The following ESR2 variants were observed in gnomAD, a reference collection of about 807,000 sequenced individuals.
The protein encoded by ESR2 is estrogen receptor 2, also known as estrogen receptor beta.
Under a neutral mutation model 49.6 loss-of-function variants are expected in ESR2, and 36 were observed. That is an observed-to-expected ratio of 0.73 (90% CI 0.56 to 0.96). The LOEUF is 0.96. ESR2 is among the 40% of genes least tolerant of loss of function. ESR2 has a pLI of 0.00. For missense variants in ESR2, 714 were observed against 693.0 expected, an observed-to-expected ratio of 1.03 and a Z score of -0.34; for synonymous variants, 320 against 266.1, an observed-to-expected ratio of 1.20 and a Z score of -1.97.
chr14:64,288,067 G>A (rs901961107), intron 1 of ESR2, among the ~76,000 whole-genome samples: 3 of 152,090 alleles, frequency 2.0e-5, no homozygotes, highest in Middle Eastern at 6.3e-3. Flanking sequence ...TCCATATCCT[G>A]GGTGGTGAAC....
intron 7 of ESR2, among the ~76,000 whole-genome samples, chr14:64,245,245 T>G (rs1450983167): frequency 1.3e-5 from 2 of 152,126 alleles, no homozygotes; most frequent in East Asian, 3.9e-4. Context: ...AAAGAAGATC[T>G]CTGGCCAGGC....
rs1411350464 is a variant in ESR2, at chr14:64,282,793, A to G, written c.193T>C (p.Leu65=). The change falls in exon 2 of 9, where the codon TTG becomes CTG. Residue 65 remains leucine, a synonymous_variant. Transcript: ENST00000341099. Reference sequence around the variant, plus strand: ...GTCTGCCGACCAGGCCCACCTTCCAAGTTAGTGACATTGCTGGGAATGCTG... The same window carrying G: ...GTCTGCCGACCAGGCCCACCTTCCAGGTTAGTGACATTGCTGGGAATGCTG... ...NYSIPSNVTN[L]EGGPGRQTTS... 5.0e-6 allele frequency: 8 copies of G among 1,614,220 alleles called. No homozygotes were observed. Among genetic ancestry groups the G allele is most frequent in the African/African-American group, 1.3e-5 (1 of 75,038 alleles).
chr14:64,268,805 C>CA lies in ESR2; in HGVS notation c.641dup (p.Met214IlefsTer63). ...GAAGCAAGCACTCACCACACTTCAC[C>CA]ATTCCCACTTCGTAACACTTCCGAA... is the stretch of plus-strand genomic sequence containing the variant. On this transcript the variant is annotated frameshift_variant, in exon 4 of 9. Transcript: ENST00000341099. LOFTEE classifies it high-confidence loss of function. 1.2e-6 allele frequency: 2 copies of CA among 1,608,346 alleles called. No individual in the cohort carries two copies. Among genetic ancestry groups the CA allele is most frequent in the Non-Finnish European group, 1.7e-6 (2 of 1,174,754 alleles).
At chr14:64,255,010 A>G (rs2076070044) in intron 6 of ESR2, among the ~76,000 whole-genome samples, 1 of 152,136 alleles carries the variant, frequency 6.6e-6, no homozygotes, top group African/African-American at 2.4e-5. Context: ...TCTATTAACT[A>G]AAAGGTAGGC....
Position 64,228,887 on chromosome 14 carries a change from G to C in ESR2, c.*4250C>G, listed in dbSNP as rs1431654896. Among the ~76,000 whole-genome samples, 1 of 152,192 alleles carries C rather than the reference G, an allele frequency of 6.6e-6. No homozygotes were observed. The highest frequency in any genetic ancestry group is 1.5e-5 in the Non-Finnish European group (1 of 68,028). On this transcript the variant is annotated 3_prime_UTR_variant, in exon 9 of 9. Coordinates refer to ENST00000341099, the MANE Select transcript of ESR2 (RefSeq NM_001437.3). ...ATCACAGACAATGCACATCTTAAGAGCTGCCACTGGAGCCAAAATTCCAGC... is the reference window on the plus strand; with the variant it reads ...ATCACAGACAATGCACATCTTAAGACCTGCCACTGGAGCCAAAATTCCAGC...
At chr14:64,273,019 T>G (rs2076481197) in intron 3 of ESR2, among the ~76,000 whole-genome samples, 1 of 152,082 alleles carries the variant, frequency 6.6e-6, no homozygotes, top group South Asian at 2.1e-4. Context: ...TTTTTTGTCC[T>G]CTTCAATTTC....
At chr14:64,313,483 G>A (rs867860647) in intron 1 of ESR2, among the ~76,000 whole-genome samples, 9 of 140,742 alleles carry the variant, frequency 6.4e-5, no homozygotes, top group East Asian at 2.1e-4. Context: ...CCAGTGAGCC[G>A]AGATCAGGCC....
At chr14:64,266,045 A>T (rs527560051) in intron 4 of ESR2, among the ~76,000 whole-genome samples, 1 of 152,200 alleles carries the variant, frequency 6.6e-6, no homozygotes, top group African/African-American at 2.4e-5. Context: ...GCAACAACCC[A>T]TCTCATTTCT....
At position 64,233,039 on chromosome 14, in the gene ESR2, G is replaced by T; in HGVS notation, c.*98C>A. ...CCAAGCCTGCCATCACCAAATGAGG[G>T]ACCACACAGCAGAAAGATGAAGCCC... is the stretch of plus-strand genomic sequence containing the variant. On this transcript the variant is annotated 3_prime_UTR_variant, in exon 9 of 9. Coordinates refer to ENST00000341099, the MANE Select transcript of ESR2 (RefSeq NM_001437.3). The T allele has an allele frequency of 1.3e-6, 2 of 1,511,242 alleles. No homozygotes were observed. The highest frequency in any genetic ancestry group is 1.3e-5 in the South Asian group (1 of 76,324). The allele number at this position is 1,511,242 out of a possible 1,614,324, so 93.6% of individuals were successfully genotyped here.
At chr14:64,242,442 A>G (rs954779168) in intron 7 of ESR2, among the ~76,000 whole-genome samples, 1 of 90,268 alleles carries the variant, frequency 1.1e-5, no homozygotes, top group African/African-American at 7.5e-5. Flanking sequence ...CAAACAAACA[A>G]ACAAAAAAAA....
chr14:64,328,988 G>C (rs2077422041), intron 1 of ESR2, among the ~76,000 whole-genome samples: 1 of 151,966 alleles, frequency 6.6e-6, no homozygotes. Context: ...ATTAGTTGTA[G>C]ATATTTTAAA....
At chr14:64,279,041 C>A (rs2076611681) in intron 3 of ESR2, among the ~76,000 whole-genome samples, 1 of 152,200 alleles carries the variant, frequency 6.6e-6, no homozygotes, top group Non-Finnish European at 1.5e-5. Flanking sequence ...CATGATAAAA[C>A]CTTGGTCTCC....
intron 1 of ESR2, chr14:64,301,462 C>G (rs35142532): frequency 3.3e-5 from 5 of 152,246 alleles, no homozygotes; most frequent in South Asian, 2.1e-4. Context: ...TGGAGTCCCT[C>G]GTTCTTCCAC....
chr14:64,307,221 ATTTAT>A (rs1186068603), intron 1 of ESR2, among the ~76,000 whole-genome samples: 3 of 151,046 alleles, frequency 2.0e-5, no homozygotes, highest in Non-Finnish European at 4.4e-5. Context: ...TTATTTATTT[ATTTAT>A]TTTAAGACAG....
intron 7 of ESR2, among the ~76,000 whole-genome samples, chr14:64,240,542 G>C (rs1198372007): frequency 6.6e-6 from 1 of 152,070 alleles, no homozygotes; most frequent in East Asian, 1.9e-4. Context: ...ATTCATCCAG[G>C]TATACCTGAC....
chr14:64,324,650 TC>T, intron 1 of ESR2, among the ~76,000 whole-genome samples: 1 of 152,186 alleles, frequency 6.6e-6, no homozygotes, highest in East Asian at 1.9e-4. Context: ...ATACAGCTGT[TC>T]CATTTGCTGA....
chr14:64,315,899 C>T (rs907874526), intron 1 of ESR2, among the ~76,000 whole-genome samples: 2 of 151,988 alleles, frequency 1.3e-5, no homozygotes, highest in Admixed American at 6.6e-5. Context: ...GTGATCCACC[C>T]GCCTCAGCCT....
Position 64,253,447 on chromosome 14 carries a change from T to C in ESR2, c.1092-3768A>G, listed in dbSNP as rs569937955. On this transcript the variant is annotated intron_variant, in intron 6 of 8. Coordinates refer to ENST00000341099, the MANE Select transcript of ESR2 (RefSeq NM_001437.3). Reference sequence around the variant, plus strand: ...CTCAGGTGATCCACCCATCTCAGTCTCCCCAAGTGCTGGGATTACAGGCGT... The same window carrying C: ...CTCAGGTGATCCACCCATCTCAGTCCCCCCAAGTGCTGGGATTACAGGCGT... 4.2e-4 allele frequency among the ~76,000 whole-genome samples: 64 copies of C among 152,170 alleles called. No individual in the cohort carries two copies. The East Asian group carries it at 0.011, about 26-fold the overall frequency.
Position 64,235,019 on chromosome 14 carries a change from T to A in ESR2, c.1357A>T (p.Met453Leu), listed in dbSNP as rs1235930852. 2 of 1,614,202 alleles carry A rather than the reference T, an allele frequency of 1.2e-6. No individual in the cohort carries two copies. The highest frequency in any genetic ancestry group is 3.3e-5 in the Admixed American group (2 of 60,024). Residue 453 changes from methionine (M) to leucine (L), a missense_variant, in exon 8 of 9, where the codon ATG becomes TTG. Transcript: ENST00000341099. ...AGCATCAGGAGGTTAGCCAGGCGCA[T>A]GGATTGCTGCTGGGAGGAGATGCCG... Reference protein sequence around the residue: ...KSGISSQQQSMRLANLLMLLS... With the variant: ...KSGISSQQQSLRLANLLMLLS...
Sources: allele counts gnomAD v4.1 joint callset (sites outside exome capture counted in the v4.1 genomes callset), GRCh38; gene constraint gnomAD v4.1.1; transcripts MANE v1.5; gene names NCBI Gene and HGNC (gene_info 2026-07-23, HGNC 2026-07-21).